Variants in PTPRA observed in about 807,000 individuals in gnomAD.
PTPRA encodes receptor-type tyrosine-protein phosphatase alpha.
In PTPRA, 25 loss-of-function variants were observed where a neutral mutation model predicts 104.8. The ratio of observed to expected loss-of-function variants is 0.24; its 90% CI spans 0.17 to 0.33. The LOEUF (loss-of-function observed/expected upper bound fraction) is 0.33. Ranked by LOEUF, PTPRA falls within the 10% of genes least tolerant of loss-of-function variation. The probability of loss-of-function intolerance (pLI) is 1.00; values close to 1 mark genes in which losing one functional copy is unlikely to be tolerated. For missense variants in PTPRA, 765 were observed against 1,015.3 expected (o/e 0.75, Z 3.35); for synonymous variants, 323 against 368.9 (o/e 0.88, Z 1.43).
intron 13 of PTPRA, among the ~76,000 whole-genome samples, chr20:3,020,634 C>T (rs947161413): frequency 3.3e-5 from 5 of 152,206 alleles, no homozygotes; most frequent in Non-Finnish European, 5.9e-5. Flanking sequence ...TATCACTGGG[C>T]CACAGCCAGA....
the PTPRA span, among the ~76,000 whole-genome samples, chr20:2,868,083 G>A: frequency 5.3e-5 from 8 of 152,182 alleles, no homozygotes; most frequent in Admixed American, 2.0e-4. Context: ...CACTTGGTGA[G>A]TGACGCTGGT....
chr20:2,864,237 G>A, the PTPRA span: 1 of 1,614,214 alleles, frequency 6.2e-7, no homozygotes, highest in South Asian at 1.1e-5. The surrounding 1 kb of genome is among the most constrained non-coding windows in gnomAD (Gnocchi z 5.2). Context: ...AAGATGAAGA[G>A]GAGCAAACTG....
chr20:2,888,569 T>TAA (rs1248028606), intron 1 of PTPRA, among the ~76,000 whole-genome samples: 6 of 142,098 alleles, frequency 4.2e-5, no homozygotes, highest in Admixed American at 1.4e-4. Context: ...AAAAAGCATT[T>TAA]AAAAAAAAAA....
intron 13 of PTPRA, among the ~76,000 whole-genome samples, chr20:3,018,951 C>G (rs1267348222): frequency 7.5e-6 from 1 of 134,022 alleles, no homozygotes; most frequent in Non-Finnish European, 1.6e-5. Context: ...CCCCTCACCT[C>G]CCGGACGGGG....
intron 14 of PTPRA, 117 bp from the exon 15 acceptor site, chr20:3,021,937 C>T: frequency 7.5e-7 from 1 of 1,326,256 alleles, no homozygotes; most frequent in Non-Finnish European, 1.0e-6. Context: ...TAACTAACTC[C>T]CCTGGGTACA....
At chr20:2,866,609 C>G in the PTPRA span, 3 of 1,610,836 alleles carry the variant, frequency 1.9e-6, no homozygotes, top group Non-Finnish European at 1.7e-6. Context: ...CAAGGGGTTC[C>G]TCCCCTAGCA....
At chr20:3,025,548 G>A (rs2065093237) in intron 17 of PTPRA, among the ~76,000 whole-genome samples, 1 of 151,660 alleles carries the variant, frequency 6.6e-6, no homozygotes, top group South Asian at 2.1e-4. Flanking sequence ...AATATAGCAT[G>A]TGCACAGATT....
intron 18 of PTPRA, 130 bp downstream of exon 18, chr20:3,026,910 C>A: frequency 2.1e-6 from 2 of 957,322 alleles, no homozygotes; most frequent in South Asian, 1.5e-5. Flanking sequence ...CTTGTTGCAC[C>A]CACTTAACAA....
intron 3 of PTPRA, among the ~76,000 whole-genome samples, chr20:2,951,861 C>T (rs1194042116): frequency 6.6e-6 from 1 of 152,154 alleles, no homozygotes; most frequent in African/African-American, 2.4e-5. Flanking sequence ...TGTTTTAAGG[C>T]TGGGCGCGGT....
intron 1 of PTPRA, among the ~76,000 whole-genome samples, chr20:2,884,812 G>T (rs9636541): frequency 3.5e-4 from 45 of 127,022 alleles, no homozygotes; most frequent in East Asian, 1.9e-3. Flanking sequence ...TGTTTTTTTT[G>T]TTTTTTTTTT....
At chr20:2,875,480 CTT>C (rs2089660656) in intron 1 of PTPRA, among the ~76,000 whole-genome samples, 1 of 152,164 alleles carries the variant, frequency 6.6e-6, no homozygotes, top group South Asian at 2.1e-4. Flanking sequence ...ACCCCTCTGA[CTT>C]CAGTACATTC....
At chr20:2,957,769 G>A (rs1420086635) in intron 3 of PTPRA, among the ~76,000 whole-genome samples, 1 of 152,098 alleles carries the variant, frequency 6.6e-6, no homozygotes, top group Non-Finnish European at 1.5e-5. Flanking sequence ...TGGAAGGGTA[G>A]GCAAGGCCAA....
the PTPRA span, chr20:2,864,641 A>G: frequency 2.5e-6 from 4 of 1,613,980 alleles, no homozygotes; most frequent in East Asian, 4.5e-5. The surrounding 1 kb of genome is among the most constrained non-coding windows in gnomAD (Gnocchi z 5.2). Context: ...CGAGCCAGCT[A>G]TGCTGCAGAA....
At position 3,030,955 on chromosome 20, in the gene PTPRA, C is replaced by T. The variant is rs374978449; in HGVS notation, c.1920+3114C>T. Among the ~76,000 whole-genome samples, 15 of 152,270 alleles carry T rather than the reference C, an allele frequency of 9.9e-5. No homozygotes were observed. In the East Asian group the frequency reaches 1.7e-3, roughly 18 times the overall value. On this transcript the variant is annotated intron_variant, in intron 20 of 23. Transcript: ENST00000399903. ...TTAGCCTCCCAGAGTGCTAAGATTA[C>T]AGGCATGAGCCATTGCGCCTGGCCT...
chr20:2,894,916 G>C (rs945217906), intron 1 of PTPRA, among the ~76,000 whole-genome samples: 82 of 151,520 alleles, frequency 5.4e-4, no homozygotes, highest in African/African-American at 2.0e-3. Context: ...GAACCCGGGA[G>C]GCGGAGCTTG....
Position 3,015,465 on chromosome 20 carries a change from G to A in PTPRA, c.907-384G>A, listed in dbSNP as rs373534958. 2.1e-4 allele frequency among the ~76,000 whole-genome samples: 32 copies of A among 151,848 alleles called. No homozygotes were observed. The East Asian group carries it at 4.5e-3, about 21-fold the overall frequency. On this transcript the variant is annotated intron_variant, in intron 11 of 23. Transcript: ENST00000399903. ...TGGAATTACAGGAGTGCACCACCACGCCCGGCTAATTTTTGTATTTTAGTA... is the reference window on the plus strand; with the variant it reads ...TGGAATTACAGGAGTGCACCACCACACCCGGCTAATTTTTGTATTTTAGTA...
intron 2 of PTPRA, among the ~76,000 whole-genome samples, chr20:2,936,644 G>T (rs1345671785): frequency 1.4e-5 from 2 of 144,870 alleles, no homozygotes; most frequent in South Asian, 2.2e-4. Context: ...TTTTGTTTGG[G>T]GTTTTTTTGG....
At chr20:3,015,738 A>T in intron 11 of PTPRA, 111 bp from the exon 12 acceptor site, 1 of 833,408 alleles carries the variant, frequency 1.2e-6, no homozygotes. Flanking sequence ...ATCCCCGTTA[A>T]GTACCTGCAC....
intron 17 of PTPRA, among the ~76,000 whole-genome samples, chr20:3,025,439 C>T (rs1213981076): frequency 6.4e-5 from 8 of 124,878 alleles, no homozygotes; most frequent in East Asian, 2.4e-4. Flanking sequence ...GGCGACAGAG[C>T]GAGACTCCAT....
Sources: gnomAD v4.1 joint callset for allele counts (sites outside exome capture counted in the v4.1 genomes callset) on GRCh38, gnomAD v4.1.1 for gene constraint, Gnocchi (gnomAD v3.1) non-coding constraint, MANE v1.5 for transcripts, NCBI Gene and HGNC (gene_info 2026-07-23, HGNC 2026-07-21) for gene names.